The following CSMD1 variants were observed in gnomAD, a reference collection of about 807,000 sequenced individuals.
CSMD1 encodes the protein CUB and Sushi multiple domains 1, also known as CUB and sushi domain-containing protein 1.
CSMD1 carries 213 observed loss-of-function variants against 417.5 expected under a neutral mutation model. The observed-to-expected ratio is 0.51, with a 90% confidence interval of 0.46 to 0.57. CSMD1 has a LOEUF of 0.57. Among genes scored for constraint, CSMD1 ranks in the 20% least tolerant of loss-of-function variants. The pLI is 0.00. For missense variants in CSMD1, 6,923 were observed against 4,529.7 expected (o/e 1.53, Z -15.17); for synonymous variants, 2,862 against 1,736.8 (o/e 1.65, Z -16.11).
At chr8:4,681,532 T>A (rs191508022) in intron 1 of CSMD1, among the ~76,000 whole-genome samples, 3 of 152,178 alleles carry the variant, frequency 2.0e-5, no homozygotes, top group Non-Finnish European at 4.4e-5. Context: ...CTTTCCTTTG[T>A]TGTTTACGCC....
intron 3 of CSMD1, among the ~76,000 whole-genome samples, chr8:4,130,061 C>A (rs188437424): frequency 6.6e-6 from 1 of 152,208 alleles, no homozygotes; most frequent in East Asian, 1.9e-4. Context: ...AGAAAATGAT[C>A]GAACCTCCTG....
chr8:4,497,218 AC>A (rs1439650785), intron 2 of CSMD1, among the ~76,000 whole-genome samples: 1 of 152,004 alleles, frequency 6.6e-6, no homozygotes, highest in Non-Finnish European at 1.5e-5. Context: ...AGACTGTGCT[AC>A]TCCTGGATGA....
chr8:4,601,931 G>C (rs1358942767), intron 2 of CSMD1, among the ~76,000 whole-genome samples: 1 of 152,164 alleles, frequency 6.6e-6, no homozygotes, highest in Admixed American at 6.5e-5. Flanking sequence ...AATTCCTTGT[G>C]AAGCTTATAC....
intron 8 of CSMD1, among the ~76,000 whole-genome samples, chr8:3,595,799 T>G (rs1030700775): frequency 6.6e-6 from 1 of 152,226 alleles, no homozygotes; most frequent in Non-Finnish European, 1.5e-5. Flanking sequence ...GTAGAAAAAT[T>G]AAATCCTCAC....
At chr8:3,712,346 G>A (rs1009599440) in intron 6 of CSMD1, among the ~76,000 whole-genome samples, 1 of 151,526 alleles carries the variant, frequency 6.6e-6, no homozygotes, top group Admixed American at 6.6e-5. Context: ...CCTCAGAGCT[G>A]AGCAGAGATT....
chr8:4,828,042 G>A (rs555655129), intron 1 of CSMD1, among the ~76,000 whole-genome samples: 2 of 152,132 alleles, frequency 1.3e-5, no homozygotes, highest in African/African-American at 4.8e-5. Flanking sequence ...ACAATCAAAA[G>A]AAGCGTAGTG....
intron 3 of CSMD1, among the ~76,000 whole-genome samples, chr8:4,183,875 A>G (rs1798516702): frequency 6.6e-6 from 1 of 152,090 alleles, no homozygotes; most frequent in East Asian, 1.9e-4. Context: ...TGAGTTTTTT[A>G]GTTGGGGCAT....
intron 27 of CSMD1, among the ~76,000 whole-genome samples, chr8:3,226,685 A>G (rs894960003): frequency 2.0e-5 from 3 of 152,030 alleles, no homozygotes; most frequent in Admixed American, 6.6e-5. Context: ...GGTAGAAGTC[A>G]TTTCGGATGT....
intron 3 of CSMD1, among the ~76,000 whole-genome samples, chr8:4,177,385 G>A (rs546854813): frequency 4.6e-5 from 7 of 151,896 alleles, no homozygotes; most frequent in Non-Finnish European, 8.8e-5. Context: ...AAACCAACGA[G>A]AACAAAGACA....
chr8:4,239,690 C>T (rs1167387511), intron 3 of CSMD1, among the ~76,000 whole-genome samples: 3 of 152,174 alleles, frequency 2.0e-5, no homozygotes, highest in Non-Finnish European at 2.9e-5. Context: ...GGCAGAACAT[C>T]GCATTATGTT....
At chr8:4,802,635 G>C (rs186726627) in intron 1 of CSMD1, among the ~76,000 whole-genome samples, 2 of 152,114 alleles carry the variant, frequency 1.3e-5, no homozygotes, top group East Asian at 3.9e-4. Flanking sequence ...TCTGTTTCTA[G>C]GCATGGATTT....
intron 7 of CSMD1, among the ~76,000 whole-genome samples, chr8:3,698,052 T>C: frequency 1.3e-5 from 2 of 149,552 alleles, no homozygotes; most frequent in South Asian, 4.3e-4. Context: ...CCTTTTTTTC[T>C]GTTTATTTAA....
chr8:4,598,513 T>G, intron 2 of CSMD1, among the ~76,000 whole-genome samples: 1 of 152,166 alleles, frequency 6.6e-6, no homozygotes, highest in South Asian at 2.1e-4. Flanking sequence ...CAGCTACAGG[T>G]GTGGCTGCTT....
intron 5 of CSMD1, among the ~76,000 whole-genome samples, chr8:3,763,304 C>G (rs148838268): frequency 6.6e-6 from 1 of 152,064 alleles, no homozygotes; most frequent in Non-Finnish European, 1.5e-5. Context: ...ATATGATTGC[C>G]GGTATTGGAG....
chr8:3,970,580 G>C (rs955154276), intron 5 of CSMD1, among the ~76,000 whole-genome samples: 4 of 152,114 alleles, frequency 2.6e-5, no homozygotes, highest in South Asian at 2.1e-4. Flanking sequence ...TGTTGTTAAA[G>C]ACCCAACAGA....
intron 5 of CSMD1, among the ~76,000 whole-genome samples, chr8:3,780,627 G>C (rs549656158): frequency 1.3e-5 from 2 of 152,172 alleles, no homozygotes; most frequent in African/African-American, 2.4e-5. Context: ...AACTGGGCCT[G>C]CTCCCAGCTC....
chr8:3,313,067 A>C (rs1272798170), intron 23 of CSMD1, among the ~76,000 whole-genome samples: 1 of 152,210 alleles, frequency 6.6e-6, no homozygotes, highest in Non-Finnish European at 1.5e-5. Context: ...AAATTCTATG[A>C]TGTTAATTCT....
chr8:4,982,738 G>C (rs1380066637), intron 1 of CSMD1, among the ~76,000 whole-genome samples: 1 of 152,142 alleles, frequency 6.6e-6, no homozygotes, highest in Non-Finnish European at 1.5e-5. Flanking sequence ...ACATTTGCTA[G>C]GAGATATAGA....
At chr8:3,273,095 A>C (rs1197015815) in intron 26 of CSMD1, among the ~76,000 whole-genome samples, 5 of 152,014 alleles carry the variant, frequency 3.3e-5, no homozygotes, top group Non-Finnish European at 7.3e-5. Context: ...TATTATTTTG[A>C]GATACGTCCC....
Sources: allele counts gnomAD v4.1 joint callset (sites outside exome capture counted in the v4.1 genomes callset), GRCh38; gene constraint gnomAD v4.1.1; transcripts MANE v1.5; gene names NCBI Gene and HGNC (gene_info 2026-07-23, HGNC 2026-07-21).